DAB1: variants seen among roughly 807,000 people sequenced by gnomAD.
DAB1 encodes the protein DAB adaptor protein 1, also known as disabled homolog 1.
DAB1 carries 15 observed loss-of-function variants against 64.6 expected under a neutral mutation model. The observed-to-expected ratio is 0.23, with a 90% CI of 0.16 to 0.36. The LOEUF (loss-of-function observed/expected upper bound fraction) is 0.36, where lower values mean the gene tolerates loss of function less well. Ranked by LOEUF, DAB1 falls within the 10% of genes least tolerant of loss-of-function variation. The pLI is 1.00. For missense variants in DAB1, 596 were observed against 706.7 expected (o/e 0.84, Z 1.78); for synonymous variants, 235 against 251.9 (o/e 0.93, Z 0.64).
chr1:58,119,669 T>C (rs1213610381), intron 5 of DAB1, among the ~76,000 whole-genome samples: 1 of 152,130 alleles, frequency 6.6e-6, no homozygotes, highest in Non-Finnish European at 1.5e-5. Context: ...CCAGGCAAGC[T>C]GGAGCAGAGA....
chr1:57,445,137 T>C (rs1686092121), intron 7 of DAB1, among the ~76,000 whole-genome samples: 1 of 151,914 alleles, frequency 6.6e-6, no homozygotes, highest in East Asian at 1.9e-4. Context: ...ATTTTTAGAG[T>C]TTTATTAACT....
At chr1:57,028,854 A>G (rs1033374785) in intron 9 of DAB1, among the ~76,000 whole-genome samples, 3 of 152,200 alleles carry the variant, frequency 2.0e-5, no homozygotes, top group Non-Finnish European at 4.4e-5. Flanking sequence ...GTGCTGTTAA[A>G]AGCATTCAGT....
chr1:57,473,713 G>A (rs1005995015), intron 7 of DAB1, among the ~76,000 whole-genome samples: 1 of 152,142 alleles, frequency 6.6e-6, no homozygotes, highest in Non-Finnish European at 1.5e-5. Flanking sequence ...TGAACACAGT[G>A]AGGCTTCAAA....
intron 1 of DAB1, among the ~76,000 whole-genome samples, chr1:57,869,290 T>C (rs1190118331): frequency 6.6e-6 from 1 of 152,128 alleles, no homozygotes; most frequent in Non-Finnish European, 1.5e-5. Context: ...CATTTAGGAA[T>C]GAGTAGCTGT....
chr1:58,119,869 C>A (rs1284395877), intron 5 of DAB1, among the ~76,000 whole-genome samples: 1 of 152,116 alleles, frequency 6.6e-6, no homozygotes, highest in Non-Finnish European at 1.5e-5. Flanking sequence ...AGTTCATTAT[C>A]GTAGATGCGC....
chr1:57,282,546 A>C (rs143561792), intron 2 of DAB1, among the ~76,000 whole-genome samples: 97 of 152,338 alleles, frequency 6.4e-4, no homozygotes, highest in African/African-American at 2.3e-3. Flanking sequence ...TAAGTCACCA[A>C]TTAAACCTGA....
At chr1:57,528,676 ACG>A (rs1644624363) in intron 7 of DAB1, among the ~76,000 whole-genome samples, 1 of 148,774 alleles carries the variant, frequency 6.7e-6, no homozygotes, top group African/African-American at 2.5e-5. Flanking sequence ...ACACACACAC[ACG>A]GACACACAAC....
intron 6 of DAB1, among the ~76,000 whole-genome samples, chr1:57,660,931 C>G (rs1219950454): frequency 6.6e-6 from 1 of 152,160 alleles, no homozygotes; most frequent in Non-Finnish European, 1.5e-5. Context: ...GTAAACTTTC[C>G]ACATGCAAAC....
At chr1:57,091,156 A>G (rs968273521) in intron 4 of DAB1, among the ~76,000 whole-genome samples, 2 of 152,134 alleles carry the variant, frequency 1.3e-5, no homozygotes, top group Non-Finnish European at 2.9e-5. Flanking sequence ...CTGTGTCACA[A>G]GGACTCACTC....
intron 5 of DAB1, among the ~76,000 whole-genome samples, chr1:58,139,449 G>A (rs1654157032): frequency 6.6e-6 from 1 of 152,132 alleles, no homozygotes; most frequent in African/African-American, 2.4e-5. Flanking sequence ...TTCTTCACAT[G>A]GCATTAGCAA....
chr1:57,136,453 T>C (rs1658102501), intron 4 of DAB1, 90 bp downstream of exon 4: 7 of 638,850 alleles, frequency 1.1e-5, no homozygotes, highest in South Asian at 3.7e-5. Context: ...TTTATGCTTG[T>C]TGTATATTCC....
chr1:57,044,413 TC>T lies in DAB1; in HGVS notation c.724-18371del, dbSNP rs537542570. On this transcript the variant is annotated intron_variant, in intron 9 of 14. Coordinates refer to ENST00000371236, the MANE Select transcript of DAB1 (RefSeq NM_001365792.1). ...GACCAGAGACTGGTTCTAGGAGGCA[TC>T]TTACAGTATTACAGAAACTATAAAA... Among the ~76,000 whole-genome samples, 770 of 152,340 alleles carry T rather than the reference TC, an allele frequency of 5.1e-3. 6 individuals are homozygous for T. The highest frequency in any genetic ancestry group is 8.7e-3 in the Non-Finnish European group (592 of 68,026).
chr1:57,343,379 C>A (rs1381096548), intron 1 of DAB1, among the ~76,000 whole-genome samples: 1 of 152,240 alleles, frequency 6.6e-6, no homozygotes, highest in Non-Finnish European at 1.5e-5. Flanking sequence ...AGGAGCCCAG[C>A]TGGCTTCACC....
chr1:58,180,097 G>A (rs1656692970), intron 4 of DAB1, among the ~76,000 whole-genome samples: 1 of 151,576 alleles, frequency 6.6e-6, no homozygotes, highest in South Asian at 2.1e-4. Context: ...TAAGGGATTT[G>A]GGTATCCACA....
intron 1 of DAB1, among the ~76,000 whole-genome samples, chr1:58,537,547 G>GC (rs35494937): frequency 0.13 from 20,491 of 152,146 alleles, 1,520 homozygotes; most frequent in African/African-American, 0.19. Flanking sequence ...AATACTCTCT[G>GC]CCACTTAGCA....
intron 5 of DAB1, among the ~76,000 whole-genome samples, chr1:57,995,653 G>A (rs954990382): frequency 2.0e-5 from 3 of 152,052 alleles, no homozygotes; most frequent in Non-Finnish European, 4.4e-5. Context: ...TTTTCTCAAC[G>A]TTAATGGATT....
At chr1:58,365,814 G>T (rs1252546765) in intron 3 of DAB1, among the ~76,000 whole-genome samples, 1 of 152,126 alleles carries the variant, frequency 6.6e-6, no homozygotes, top group Non-Finnish European at 1.5e-5. Context: ...CTGAGATCAA[G>T]TACCTCCTTA....
intron 1 of DAB1, among the ~76,000 whole-genome samples, chr1:57,351,668 A>T (rs559041369): frequency 6.6e-6 from 1 of 152,258 alleles, no homozygotes; most frequent in South Asian, 2.1e-4. Flanking sequence ...ACACACAAGC[A>T]TGCATGCATG....
chr1:57,122,720 T>C (rs1656771240), intron 4 of DAB1, among the ~76,000 whole-genome samples: 1 of 152,170 alleles, frequency 6.6e-6, no homozygotes, highest in Non-Finnish European at 1.5e-5. Flanking sequence ...CACATTCCCT[T>C]TCTTCAATAA....
Sources: allele counts gnomAD v4.1 joint callset (sites outside exome capture counted in the v4.1 genomes callset), GRCh38; gene constraint gnomAD v4.1.1; transcripts MANE v1.5; gene names NCBI Gene and HGNC (gene_info 2026-07-23, HGNC 2026-07-21).